SCRG1: variants seen among roughly 807,000 people sequenced by gnomAD.
SCRG1 encodes the protein stimulator of chondrogenesis 1, also known as scrapie-responsive protein 1.
In SCRG1, 3 loss-of-function variants were observed where a neutral mutation model predicts 7.7. That is an observed-to-expected ratio of 0.39 (90% CI 0.18 to 1.01). SCRG1 has a LOEUF of 1.01. Among genes scored for constraint, SCRG1 ranks in the 50% least tolerant of loss-of-function variants. The pLI, the probability that SCRG1 is intolerant of heterozygous loss-of-function variation, is 0.36. For missense variants in SCRG1, 110 were observed against 117.2 expected, an observed-to-expected ratio of 0.94 and a Z score of 0.28; for synonymous variants, 46 against 41.2, an observed-to-expected ratio of 1.12 and a Z score of -0.44.
intron 1 of SCRG1, among the ~76,000 whole-genome samples, chr4:173,398,000 C>T (rs1401040309): frequency 6.6e-6 from 1 of 152,202 alleles, no homozygotes; most frequent in South Asian, 2.1e-4. Context: ...AATTGCTGCC[C>T]AGTCTGTGAT....
In SCRG1 at chr4:173,396,008, G is replaced by T. The variant is rs561924687; in HGVS notation, c.-15+3060C>A. On this transcript the variant is annotated intron_variant, in intron 1 of 2. Transcript: ENST00000296506. ...TGCCTTTTTAAAAAAATCCCTGGCT[G>T]GCCTGTGAAGATGTATTGTGGTGGG... Among the ~76,000 whole-genome samples the T allele has an allele frequency of 3.3e-5, 5 of 152,266 alleles. No homozygotes were observed. In the South Asian group the frequency reaches 1.0e-3, roughly 32 times the overall value.
chr4:173,404,574 G>A (rs1298377914), intron 1 of SCRG1: 1 of 152,178 alleles, frequency 6.6e-6, no homozygotes. Flanking sequence ...AATGAGTGAG[G>A]GGATTAGATT....
the SCRG1 span, among the ~76,000 whole-genome samples, chr4:173,515,256 C>T: frequency 1.3e-5 from 2 of 152,066 alleles, no homozygotes; most frequent in African/African-American, 4.8e-5. The surrounding 1 kb of genome is among the most constrained non-coding windows in gnomAD (Gnocchi z 4.6). Flanking sequence ...TTACCCCCTG[C>T]CCCCCGCCAA....
chr4:173,438,890 G>A, the SCRG1 span, among the ~76,000 whole-genome samples: 6 of 152,148 alleles, frequency 3.9e-5, no homozygotes, highest in East Asian at 3.9e-4. Flanking sequence ...AACAGAGACC[G>A]TGTTGGCTGT....
chr4:173,455,354 C>T, the SCRG1 span, among the ~76,000 whole-genome samples: 3 of 152,162 alleles, frequency 2.0e-5, no homozygotes, highest in Admixed American at 2.0e-4. Flanking sequence ...TGCTTTCCAG[C>T]GGGGACTAAA....
the SCRG1 span, among the ~76,000 whole-genome samples, chr4:173,460,509 A>C: frequency 2.6e-5 from 4 of 152,204 alleles, no homozygotes; most frequent in Non-Finnish European, 2.9e-5. Context: ...GGTCAGACTC[A>C]TGAGGCCTCC....
At chr4:173,427,475 C>T in the SCRG1 span, among the ~76,000 whole-genome samples, 1 of 152,214 alleles carries the variant, frequency 6.6e-6, no homozygotes, top group Non-Finnish European at 1.5e-5. Flanking sequence ...TGTACAATGA[C>T]CAAAGATCTT....
chr4:173,473,554 G>A, the SCRG1 span, among the ~76,000 whole-genome samples: 1 of 152,260 alleles, frequency 6.6e-6, no homozygotes, highest in African/African-American at 2.4e-5. Context: ...GATTAATCCT[G>A]AAAAATGAGA....
chr4:173,429,756 C>T, the SCRG1 span, among the ~76,000 whole-genome samples: 2 of 152,158 alleles, frequency 1.3e-5, no homozygotes, highest in Non-Finnish European at 2.9e-5. Context: ...AGGAATCAAA[C>T]GTGGTTATCA....
chr4:173,514,869 A>C, the SCRG1 span, among the ~76,000 whole-genome samples: 1 of 152,242 alleles, frequency 6.6e-6, no homozygotes, highest in East Asian at 1.9e-4. Flanking sequence ...AAGAGACTTA[A>C]CTGTCTTGTT....
chr4:173,452,516 A>C, the SCRG1 span, among the ~76,000 whole-genome samples: 1 of 152,230 alleles, frequency 6.6e-6, no homozygotes, highest in Non-Finnish European at 1.5e-5. Flanking sequence ...GATTTTAAAA[A>C]ATCAGCATTC....
the SCRG1 span, among the ~76,000 whole-genome samples, chr4:173,482,346 C>T: frequency 2.6e-5 from 4 of 152,026 alleles, no homozygotes; most frequent in African/African-American, 2.4e-5. Context: ...CCACAAATTC[C>T]CCTGAAATTA....
At chr4:173,463,380 T>C in the SCRG1 span, among the ~76,000 whole-genome samples, 1 of 152,216 alleles carries the variant, frequency 6.6e-6, no homozygotes, top group Non-Finnish European at 1.5e-5. Flanking sequence ...GTTTAAGTGA[T>C]TCTCCTGCCT....
the SCRG1 span, among the ~76,000 whole-genome samples, chr4:173,428,288 C>A: frequency 1.3e-5 from 2 of 152,140 alleles, no homozygotes; most frequent in Non-Finnish European, 2.9e-5. Context: ...ATTTTGATGA[C>A]AGAAAAACTC....
chr4:173,484,365 A>T, the SCRG1 span, among the ~76,000 whole-genome samples: 8 of 40,592 alleles, frequency 2.0e-4, no homozygotes, highest in African/African-American at 4.0e-4. Context: ...AATATATATT[A>T]TATATTATAT....
the SCRG1 span, chr4:173,419,805 C>T: frequency 4.1e-6 from 6 of 1,463,904 alleles, no homozygotes; most frequent in Non-Finnish European, 4.7e-6. Flanking sequence ...CCAGTCACCT[C>T]CACTTGGCCT....
chr4:173,461,244 T>C, the SCRG1 span, among the ~76,000 whole-genome samples: 2 of 151,928 alleles, frequency 1.3e-5, no homozygotes, highest in African/African-American at 4.8e-5. Flanking sequence ...AGTCATGGAG[T>C]GGTTATAGCA....
chr4:173,406,236 A>C (rs1739902266), intron 1 of SCRG1: 2 of 152,240 alleles, frequency 1.3e-5, no homozygotes, highest in Admixed American at 6.5e-5. Flanking sequence ...CATGTATAGC[A>C]GCATCGGAAT....
At chr4:173,421,071 TC>T in the SCRG1 span, among the ~76,000 whole-genome samples, 2 of 152,268 alleles carry the variant, frequency 1.3e-5, no homozygotes, top group African/African-American at 4.8e-5. Context: ...GCTTGATAGC[TC>T]GTGCCTAAAT....
Sources: allele counts gnomAD v4.1 joint callset (sites outside exome capture counted in the v4.1 genomes callset), GRCh38; gene constraint gnomAD v4.1.1; non-coding constraint Gnocchi (gnomAD v3.1); transcripts MANE v1.5; gene names NCBI Gene and HGNC (gene_info 2026-07-23, HGNC 2026-07-21).